The following NEB variants were observed in gnomAD, a reference collection of about 807,000 sequenced individuals.
The protein encoded by NEB is nemaline myopathy type 2.
In NEB, 512 loss-of-function variants were observed where a neutral mutation model predicts 952.2. The observed-to-expected ratio is 0.54, with a 90% CI of 0.50 to 0.58. NEB has a LOEUF of 0.58. NEB is among the 20% of genes least tolerant of loss of function. NEB has a pLI of 0.00. For synonymous variants in NEB, 2,900 were observed against 3,149.8 expected (o/e 0.92, Z 2.66); for missense variants, 8,428 against 9,231.1 (o/e 0.91, Z 3.56).
chr2:151,516,698 A>G (rs1376857736), intron 156 of NEB, 135 bp from the exon 157 acceptor site: 13 of 674,250 alleles, frequency 1.9e-5, no homozygotes, highest in Non-Finnish European at 3.4e-5. Flanking sequence ...GTTTCCTGTT[A>G]TGTTTCAGAT....
chr2:151,609,391 C>A (rs1358128053), intron 81 of NEB, among the ~76,000 whole-genome samples: 1 of 151,878 alleles, frequency 6.6e-6, no homozygotes, highest in Non-Finnish European at 1.5e-5. Context: ...ATTATTTATA[C>A]TAGCCATGAA....
chr2:151,564,780 C>T (rs2096278990), intron 117 of NEB, among the ~76,000 whole-genome samples: 2 of 152,300 alleles, frequency 1.3e-5, no homozygotes, highest in East Asian at 3.9e-4. Context: ...TGCACGATCT[C>T]CTGAAGGCTT....
intron 20 of NEB, 143 bp downstream of exon 20, chr2:151,694,180 T>A (rs1053637939): frequency 1.3e-6 from 1 of 749,084 alleles, no homozygotes. Flanking sequence ...TTCATCTTCC[T>A]TTAGCACCTG....
chr2:151,725,558 A>C lies in NEB; in HGVS notation c.297T>G (p.Asn99Lys). 2 of 1,612,322 alleles carry C rather than the reference A, an allele frequency of 1.2e-6. No individual in the cohort carries two copies. Among genetic ancestry groups the C allele is most frequent in the Non-Finnish European group, 1.7e-6 (2 of 1,178,560 alleles). The change falls in exon 6 of 182, where the codon AAT becomes AAG. Residue 99 changes from asparagine (N) to lysine (K), a missense_variant and splice_region_variant. Physicochemically the swap from Asn to Lys is moderately conservative, Grantham distance 94. This residue lies in a region of NEB where 2,851 missense variants were observed against 2,791.5 expected (regional missense o/e 1.02). Coordinates refer to ENST00000397345, the MANE Select transcript of NEB (RefSeq NM_001164508.2). ...SQKMQDLFSP[N>K]KYKEKFEKTK... The stretch of plus-strand genomic sequence containing the variant: ...TTTTCTCAAACTTCTCCTTGTATTT[A>C]TTCTGAAAAGAATATCAGATATTAG...
chr2:151,632,677 GAAAA>G (rs761404681), intron 65 of NEB, among the ~76,000 whole-genome samples: 1 of 50,670 alleles, frequency 2.0e-5, no homozygotes, highest in Non-Finnish European at 4.1e-5. Flanking sequence ...CTCTGTCTCA[GAAAA>G]AAAAAAAAAA....
chr2:151,644,676 A>G, intron 55 of NEB, 101 bp from the exon 56 acceptor site: 1 of 940,316 alleles, frequency 1.1e-6, no homozygotes, highest in Non-Finnish European at 1.7e-6. Flanking sequence ...TGAGAATAGC[A>G]TCTGTGCCCT....
At chr2:151,706,232 A>G (rs1356406836) in intron 13 of NEB, among the ~76,000 whole-genome samples, 1 of 152,204 alleles carries the variant, frequency 6.6e-6, no homozygotes, top group African/African-American at 2.4e-5. Context: ...AGGGACAAAG[A>G]AAAGATAACT....
intron 29 of NEB, 30 bp from the exon 30 acceptor site, chr2:151,680,858 A>AGATTGTTTTTC: frequency 6.6e-7 from 1 of 1,521,070 alleles, no homozygotes; most frequent in Non-Finnish European, 9.1e-7. Context: ...GAGAAAAACA[A>AGATTGTTTTTC]TCTTGTTTTC....
chr2:151,723,198 A>G (rs1445132868), intron 9 of NEB, among the ~76,000 whole-genome samples, 184 bp downstream of exon 9: 4 of 152,230 alleles, frequency 2.6e-5, no homozygotes, highest in Non-Finnish European at 4.4e-5. Flanking sequence ...TATTTAATAT[A>G]AAGTGTAAAT....
intron 178 of NEB, 39 bp from the exon 179 acceptor site, chr2:151,491,814 AGTTT>A: frequency 6.8e-7 from 1 of 1,479,256 alleles, no homozygotes; most frequent in Middle Eastern, 1.7e-4. Flanking sequence ...GTGTTCTTGG[AGTTT>A]TCCAATAACT....
chr2:151,666,531 T>G, intron 40 of NEB, 130 bp from the exon 41 acceptor site: 2 of 850,032 alleles, frequency 2.4e-6, no homozygotes, highest in South Asian at 3.8e-5. Flanking sequence ...TTTTTTTGTA[T>G]TTTAAAATAA....
chr2:151,632,189 T>C (rs374151310), intron 65 of NEB, among the ~76,000 whole-genome samples: 16 of 152,090 alleles, frequency 1.1e-4, no homozygotes, highest in East Asian at 3.9e-4. Context: ...GGTTTTTATA[T>C]ACCCATTAGA....
chr2:151,689,232 T>C (rs2099527191), intron 24 of NEB: 1 of 134,642 alleles, frequency 7.4e-6, no homozygotes, highest in Admixed American at 8.1e-5. Flanking sequence ...TGAGACCGTG[T>C]CTGGCTCCAT....
At chr2:151,525,615 C>T (rs187735737) in intron 150 of NEB, among the ~76,000 whole-genome samples, 1 of 152,234 alleles carries the variant, frequency 6.6e-6, no homozygotes, top group East Asian at 1.9e-4. Context: ...ATTACTGAGG[C>T]CCAAAGAGGT....
At chr2:151,541,380 G>A (rs2094035687) in intron 136 of NEB, 67 bp downstream of exon 136, 17 of 1,222,584 alleles carry the variant, frequency 1.4e-5, no homozygotes, top group Non-Finnish European at 1.9e-5. Flanking sequence ...CTGGCCAGGT[G>A]AGGCCAGGCA....
In NEB at chr2:151,560,661, G is replaced by A. The variant is rs967486464; in HGVS notation, c.19245C>T (p.Thr6415=). ...AGGTGCTGGAAGGCAGGATGTAGCTGGTGGCTTTCACTCTATCCCAGGCCT... is the reference window on the plus strand; with the variant it reads ...AGGTGCTGGAAGGCAGGATGTAGCTAGTGGCTTTCACTCTATCCCAGGCCT... ...YKEAWDRVKA[T]SYILPSSTLS... Residue 6415 remains threonine, a synonymous_variant, in exon 124 of 182, where the codon ACC becomes ACT. Coordinates refer to ENST00000397345, the MANE Select transcript of NEB (RefSeq NM_001164508.2). 9.5e-5 allele frequency: 153 copies of A among 1,612,116 alleles called. No homozygotes were observed. Among genetic ancestry groups the A allele is most frequent in the Non-Finnish European group, 1.2e-4 (147 of 1,179,280 alleles).
intron 30 of NEB, among the ~76,000 whole-genome samples, chr2:151,680,506 A>G (rs1331545995): frequency 6.6e-6 from 1 of 152,122 alleles, no homozygotes; most frequent in Admixed American, 6.5e-5. Flanking sequence ...TTTTCCTTAG[A>G]AAGAAATGTC....
intron 17 of NEB, 44 bp from the exon 18 acceptor site, chr2:151,695,726 G>A: frequency 1.4e-6 from 2 of 1,423,400 alleles, no homozygotes; most frequent in Non-Finnish European, 2.0e-6. Flanking sequence ...AATTGTTCCA[G>A]AATACAAAAA....
chr2:151,610,634 G>A lies in NEB; in HGVS notation c.11911-11C>T. 1.3e-6 allele frequency: 2 copies of A among 1,595,732 alleles called. No individual in the cohort carries two copies. Among genetic ancestry groups the A allele is most frequent in the Non-Finnish European group, 1.7e-6 (2 of 1,163,326 alleles). On this transcript the variant is annotated splice_polypyrimidine_tract_variant and intron_variant, in intron 79 of 181. Transcript: ENST00000397345. The stretch of plus-strand genomic sequence containing the variant: ...CTTGGTGTAAAGTTTCTAGGGAAGG[G>A]ATAATAGACGACAGAAAATAAGAGT...
Sources: gnomAD v4.1 joint callset for allele counts (sites outside exome capture counted in the v4.1 genomes callset) on GRCh38, gnomAD v4.1.1 for gene constraint, gnomAD v4.1.1 regional missense constraint, MANE v1.5 for transcripts, NCBI Gene and HGNC (gene_info 2026-07-23, HGNC 2026-07-21) for gene names.